ASXL3: variants seen among roughly 807,000 people sequenced by gnomAD.
The protein encoded by ASXL3 is ASXL transcriptional regulator 3, also known as putative Polycomb group protein ASXL3.
In ASXL3, 34 loss-of-function variants were observed where a neutral mutation model predicts 170.6. The ratio of observed to expected loss-of-function variants is 0.20; its 90% CI spans 0.15 to 0.27. ASXL3 has a LOEUF of 0.27. Among genes scored for constraint, ASXL3 ranks in the 10% least tolerant of loss-of-function variants. The pLI is 1.00. For missense variants in ASXL3, 2,592 were observed against 2,695.3 expected (o/e 0.96, Z 0.85); for synonymous variants, 1,002 against 989.1 (o/e 1.01, Z -0.24).
At chr18:33,617,545 A>G (rs2065445669) in intron 2 of ASXL3, among the ~76,000 whole-genome samples, 1 of 152,138 alleles carries the variant, frequency 6.6e-6, no homozygotes, top group South Asian at 2.1e-4. Context: ...ACTCACTTGG[A>G]TTTTATTTGA....
chr18:33,706,932 T>C (rs1333539415), intron 8 of ASXL3, among the ~76,000 whole-genome samples: 1 of 151,868 alleles, frequency 6.6e-6, no homozygotes, highest in Non-Finnish European at 1.5e-5. Flanking sequence ...CACCTGAGTA[T>C]GACATGAGAT....
At chr18:33,683,706 G>A in intron 8 of ASXL3, 138 bp downstream of exon 8, 6 of 944,798 alleles carry the variant, frequency 6.4e-6, no homozygotes, top group Non-Finnish European at 8.9e-6. Context: ...GCTGTCATTA[G>A]CTTATTTAAT....
In ASXL3 at chr18:33,744,241, A is replaced by G. The variant is rs1272630623; in HGVS notation, c.4393A>G (p.Ile1465Val). Residue 1465 changes from isoleucine (I) to valine (V), a missense_variant, in exon 12 of 12, where the codon ATA (isoleucine) becomes GTA (valine). Physicochemically the swap from Ile to Val is conservative, Grantham distance 29. Transcript: ENST00000269197. ...ACCAGGGGGCTTTGCACCAGCAGCC[A>G]TAAACCGATCAATTCCGTGTAAAGT... is the stretch of plus-strand genomic sequence containing the variant. ...QPPGGFAPAAINRSIPCKVIV... is the reference protein window; with the variant it reads ...QPPGGFAPAAVNRSIPCKVIV... 3 of 1,613,908 alleles carry G rather than the reference A, an allele frequency of 1.9e-6. No individual in the cohort carries two copies. Among genetic ancestry groups the G allele is most frequent in the South Asian group, 1.1e-5 (1 of 91,096 alleles).
At chr18:33,644,135 T>C (rs2065883852) in intron 2 of ASXL3, among the ~76,000 whole-genome samples, 1 of 151,982 alleles carries the variant, frequency 6.6e-6, no homozygotes, top group Non-Finnish European at 1.5e-5. Flanking sequence ...TTTATACATA[T>C]GTACTTTGAT....
intron 1 of ASXL3, among the ~76,000 whole-genome samples, chr18:33,597,760 A>T (rs1210428287): frequency 6.6e-6 from 1 of 151,410 alleles, no homozygotes; most frequent in Non-Finnish European, 1.5e-5. Flanking sequence ...TTAAAAGTGA[A>T]TTAATGTATT....
intron 1 of ASXL3, among the ~76,000 whole-genome samples, chr18:33,579,362 GGT>G (rs1424272328): frequency 6.6e-6 from 1 of 152,120 alleles, no homozygotes; most frequent in African/African-American, 2.4e-5. Flanking sequence ...GTGTGTTTCG[GGT>G]GTGTGTGTGT....
intron 1 of ASXL3, among the ~76,000 whole-genome samples, chr18:33,590,601 A>T (rs2065069572): frequency 6.6e-6 from 1 of 152,160 alleles, no homozygotes; most frequent in Non-Finnish European, 1.5e-5. Flanking sequence ...AAGTGTTCTA[A>T]TGTAGGTACT....
chr18:33,745,975 C>G lies in ASXL3; in HGVS notation c.6127C>G (p.Pro2043Ala). 1 of 1,585,566 alleles carries G rather than the reference C, an allele frequency of 6.3e-7. No homozygotes were observed. Among genetic ancestry groups the G allele is most frequent in the African/African-American group, 1.4e-5 (1 of 72,874 alleles). ...TCCCCCCCCACCACCTCCGCTACCTCCACCTCTCCCTAATGCAGAAGTCCC... is the reference window on the plus strand; with the variant it reads ...TCCCCCCCCACCACCTCCGCTACCTGCACCTCTCCCTAATGCAGAAGTCCC... Reference protein sequence around the residue: ...PPPPPPPPLPPPLPNAEVPSD... With the variant: ...PPPPPPPPLPAPLPNAEVPSD... The change falls in exon 12 of 12, where the codon CCA becomes GCA. Residue 2043 changes from proline to alanine, a missense_variant. Around this residue, in one of 4 missense-constraint regions of ASXL3, gnomAD observed 2,246 missense variants for 2,219.6 expected, o/e 1.01. Coordinates refer to ENST00000269197, the MANE Select transcript of ASXL3 (RefSeq NM_030632.3).
chr18:33,735,441 A>G (rs1482998366), intron 10 of ASXL3, among the ~76,000 whole-genome samples: 1 of 152,218 alleles, frequency 6.6e-6, no homozygotes, highest in Non-Finnish European at 1.5e-5. Context: ...TATATTTTTA[A>G]GCAAAACCAA....
At chr18:33,634,021 G>T (rs1416922876) in intron 2 of ASXL3, among the ~76,000 whole-genome samples, 1 of 152,008 alleles carries the variant, frequency 6.6e-6, no homozygotes, top group Non-Finnish European at 1.5e-5. Context: ...AATACAAAAA[G>T]ATCGGGAAGA....
rs935044655 is a variant in ASXL3 at position 33,744,904 on chromosome 18, T to G, written c.5056T>G (p.Phe1686Val). 6.2e-7 allele frequency: 1 copy of G among 1,613,888 alleles called. No homozygotes were observed. Among genetic ancestry groups the G allele is most frequent in the African/African-American group, 1.3e-5 (1 of 74,924 alleles). The change falls in exon 12 of 12, where the codon TTC becomes GTC. Residue 1686 changes from phenylalanine (F) to valine (V), a missense_variant. Transcript: ENST00000269197. ...GGGCTTTAGAATGGACACTGAAGAC[T>G]TCCCTGGCCCTGAGCTGCCTCCTCC... ...DKGFRMDTED[F>V]PGPELPPPAA... is the part of the protein sequence containing the mutation.
intron 5 of ASXL3, among the ~76,000 whole-genome samples, chr18:33,662,091 G>C (rs750216531): frequency 1.3e-5 from 2 of 152,052 alleles, no homozygotes; most frequent in East Asian, 3.8e-4. Flanking sequence ...GTGCTTATCT[G>C]ATAGTATAAA....
At chr18:33,640,677 T>C (rs2065832912) in intron 2 of ASXL3, among the ~76,000 whole-genome samples, 1 of 152,140 alleles carries the variant, frequency 6.6e-6, no homozygotes, top group South Asian at 2.1e-4. Flanking sequence ...GAGACCCACC[T>C]AACTTACTCT....
intron 8 of ASXL3, among the ~76,000 whole-genome samples, chr18:33,714,481 T>C (rs956553258): frequency 6.6e-6 from 1 of 152,216 alleles, no homozygotes; most frequent in East Asian, 1.9e-4. Flanking sequence ...ACTTTAGATC[T>C]TGAAGGAACA....
intron 1 of ASXL3, among the ~76,000 whole-genome samples, chr18:33,589,683 T>G (rs1203235501): frequency 6.6e-6 from 1 of 152,200 alleles, no homozygotes; most frequent in Non-Finnish European, 1.5e-5. Context: ...TTAAACTTAG[T>G]GTCATAGCCT....
chr18:33,672,023 C>T lies in ASXL3; in HGVS notation c.715+157C>T, dbSNP rs10468908. Among the ~76,000 whole-genome samples the T allele has an allele frequency of 0.021, 3,261 of 152,230 alleles. 63 individuals carry two copies. The highest frequency in any genetic ancestry group is 0.03 in the Non-Finnish European group (2,040 of 67,996). On this transcript the variant is annotated intron_variant, in intron 7 of 11. Coordinates refer to ENST00000269197, the MANE Select transcript of ASXL3 (RefSeq NM_030632.3). Reference sequence around the variant, plus strand: ...CCAAAAAGAATGCTAAATAAGGAAACATTCTAGTTACAACTGAATGGTCTT... The same window carrying T: ...CCAAAAAGAATGCTAAATAAGGAAATATTCTAGTTACAACTGAATGGTCTT...
intron 4 of ASXL3, among the ~76,000 whole-genome samples, chr18:33,648,374 T>A (rs2065947943): frequency 6.6e-6 from 1 of 151,798 alleles, no homozygotes; most frequent in Non-Finnish European, 1.5e-5. Context: ...TAAATGTGAG[T>A]GTAAGATAGA....
At chr18:33,597,819 AAAAC>A (rs1347693695) in intron 1 of ASXL3, among the ~76,000 whole-genome samples, 36 of 152,118 alleles carry the variant, frequency 2.4e-4, no homozygotes, top group African/African-American at 6.0e-4. Context: ...AAAAAAACAA[AAAAC>A]AAACAAAACA....
chr18:33,600,908 A>C (rs1599381926), intron 1 of ASXL3, among the ~76,000 whole-genome samples: 1 of 152,140 alleles, frequency 6.6e-6, no homozygotes, highest in Non-Finnish European at 1.5e-5. Flanking sequence ...AAGTTTCAGT[A>C]TATGTTGTTG....
Sources: gnomAD v4.1 joint callset for allele counts (sites outside exome capture counted in the v4.1 genomes callset) on GRCh38, gnomAD v4.1.1 for gene constraint, gnomAD v4.1.1 regional missense constraint, MANE v1.5 for transcripts, NCBI Gene and HGNC (gene_info 2026-07-23, HGNC 2026-07-21) for gene names.